Variants in MAML2 observed in about 807,000 individuals in gnomAD.
MAML2 encodes mastermind like transcriptional coactivator 2, also known as mastermind-like protein 2.
MAML2 carries 22 observed loss-of-function variants against 96.1 expected under a neutral mutation model. The observed-to-expected ratio is 0.23, with a 90% CI of 0.16 to 0.33. The LOEUF is 0.33. Among genes scored for constraint, MAML2 ranks in the 10% least tolerant of loss-of-function variants. MAML2 has a pLI of 1.00. For missense variants in MAML2, 1,367 were observed against 1,392.4 expected (o/e 0.98, Z 0.29); for synonymous variants, 561 against 521.3 (o/e 1.08, Z -1.04).
chr11:96,298,600 G>A (rs1863334105), intron 1 of MAML2, among the ~76,000 whole-genome samples: 1 of 151,980 alleles, frequency 6.6e-6, no homozygotes, highest in African/African-American at 2.4e-5. Flanking sequence ...AAGAGGTAAT[G>A]AGTTCTGCTC....
In MAML2 at chr11:96,092,298, T is replaced by C; in HGVS notation, c.1733A>G (p.Gln578Arg). The change falls in exon 2 of 5, where the codon CAG becomes CGG. Residue 578 changes from glutamine to arginine, a missense_variant. Coordinates refer to ENST00000524717, the MANE Select transcript of MAML2 (RefSeq NM_032427.4). The surrounding 1 kb of genome is among the most constrained non-coding windows in gnomAD (Gnocchi z 4.1). Reference protein sequence around the residue: ...NQQMPSVLPSQNKPSLLHYTQ... With the variant: ...NQQMPSVLPSRNKPSLLHYTQ... ...GTAGTGTAGGAGAGAAGGCTTGTTC[T>C]GGGAAGGCAAAACAGAAGGCATCTG... 6.4e-7 allele frequency: 1 copy of C among 1,573,026 alleles called. No individual in the cohort carries two copies. The highest frequency in any genetic ancestry group is 8.6e-7 in the Non-Finnish European group (1 of 1,158,582).
intron 2 of MAML2, among the ~76,000 whole-genome samples, chr11:96,042,744 CT>C (rs767509829): frequency 0.017 from 1,994 of 116,172 alleles, 44 homozygotes; most frequent in African/African-American, 0.061. Context: ...CGTTAACGTT[CT>C]TTTTTTTTTT....
intron 1 of MAML2, among the ~76,000 whole-genome samples, chr11:96,298,404 A>G (rs568674922): frequency 1.1e-4 from 16 of 152,312 alleles, no homozygotes; most frequent in Admixed American, 3.9e-4. Context: ...AAATGAGCTA[A>G]GTTGAAGGTT....
intron 2 of MAML2, among the ~76,000 whole-genome samples, chr11:96,018,638 C>T (rs1050273548): frequency 6.6e-6 from 1 of 152,192 alleles, no homozygotes; most frequent in Non-Finnish European, 1.5e-5. Flanking sequence ...GCTCCGTCGC[C>T]CAGGCTGGAG....
chr11:96,202,051 C>T (rs145900031), intron 1 of MAML2, among the ~76,000 whole-genome samples: 71 of 146,770 alleles, frequency 4.8e-4, no homozygotes, highest in East Asian at 2.1e-3. Flanking sequence ...GATTATGTTT[C>T]GGCCGGGCAT....
At chr11:96,200,326 G>A (rs2135929550) in intron 1 of MAML2, among the ~76,000 whole-genome samples, 2 of 152,316 alleles carry the variant, frequency 1.3e-5, no homozygotes, top group South Asian at 4.1e-4. Context: ...CTGCAAAACA[G>A]ATATCATCTG....
intron 1 of MAML2, among the ~76,000 whole-genome samples, chr11:96,133,338 T>C (rs1000444795): frequency 1.3e-5 from 2 of 152,228 alleles, no homozygotes; most frequent in African/African-American, 4.8e-5. Flanking sequence ...AAGTAAAATA[T>C]ATTACATTTT....
intron 1 of MAML2, among the ~76,000 whole-genome samples, chr11:96,258,736 G>C (rs977873735): frequency 6.6e-6 from 1 of 152,216 alleles, no homozygotes; most frequent in South Asian, 2.1e-4. Flanking sequence ...TGAGCAGAGA[G>C]GCCCATCTGC....
At chr11:96,316,222 G>C (rs1048101122) in intron 1 of MAML2, among the ~76,000 whole-genome samples, 7 of 152,150 alleles carry the variant, frequency 4.6e-5, no homozygotes, top group Non-Finnish European at 2.9e-5. Flanking sequence ...GTACTTGCTT[G>C]CCCATTCAAG....
intron 1 of MAML2, among the ~76,000 whole-genome samples, chr11:96,291,261 G>T (rs1863205854): frequency 1.3e-5 from 2 of 151,560 alleles, no homozygotes; most frequent in African/African-American, 4.9e-5. Flanking sequence ...GAGTAGCTGG[G>T]ACTACAGGCA....
intron 2 of MAML2, among the ~76,000 whole-genome samples, chr11:96,058,171 G>A (rs1859098652): frequency 6.6e-6 from 1 of 152,232 alleles, no homozygotes; most frequent in Non-Finnish European, 1.5e-5. Context: ...TTAGAATAAT[G>A]TAGAGAGGGC....
rs997197523 is a variant in MAML2, at chr11:96,173,128, C to T, written c.514-79611G>A. On this transcript the variant is annotated intron_variant, in intron 1 of 4. Coordinates refer to ENST00000524717, the MANE Select transcript of MAML2 (RefSeq NM_032427.4). ...CTCCTCTTTCCCTTTTACAGAGGGG[C>T]TCTGGGACCCAGGGGCTGTCGGGGA... Among the ~76,000 whole-genome samples the T allele has an allele frequency of 7.2e-5, 11 of 152,306 alleles. No homozygotes were observed. The East Asian group carries it at 1.9e-3, about 27-fold the overall frequency.
chr11:96,085,685 G>A (rs1859598052), intron 2 of MAML2, among the ~76,000 whole-genome samples: 1 of 152,134 alleles, frequency 6.6e-6, no homozygotes, highest in Non-Finnish European at 1.5e-5. Context: ...ACCCACTAAT[G>A]CTTTAAATGC....
chr11:96,105,518 A>G (rs961678356), intron 1 of MAML2, among the ~76,000 whole-genome samples: 5 of 152,212 alleles, frequency 3.3e-5, no homozygotes, highest in Non-Finnish European at 5.9e-5. Flanking sequence ...CTTTAACTCC[A>G]TTACAAAGGA....
intron 1 of MAML2, among the ~76,000 whole-genome samples, chr11:96,235,963 T>C (rs1331440820): frequency 6.6e-6 from 1 of 152,210 alleles, no homozygotes; most frequent in Non-Finnish European, 1.5e-5. Context: ...AAGAAATGCA[T>C]TGCATCACTT....
chr11:96,273,190 C>T (rs541727361), intron 1 of MAML2, among the ~76,000 whole-genome samples: 2 of 152,314 alleles, frequency 1.3e-5, no homozygotes, highest in South Asian at 4.1e-4. Flanking sequence ...CTGCTTCTGA[C>T]AGCAATTGAA....
At chr11:96,227,714 A>T (rs1022129449) in intron 1 of MAML2, among the ~76,000 whole-genome samples, 3 of 152,260 alleles carry the variant, frequency 2.0e-5, no homozygotes, top group Non-Finnish European at 2.9e-5. Context: ...GAGAAAAGGC[A>T]TACAATGTGT....
chr11:96,223,235 A>T (rs1862165339), intron 1 of MAML2, among the ~76,000 whole-genome samples: 1 of 152,194 alleles, frequency 6.6e-6, no homozygotes, highest in Non-Finnish European at 1.5e-5. Context: ...TATATTAATT[A>T]TGTATGACCT....
intron 2 of MAML2, among the ~76,000 whole-genome samples, chr11:96,020,134 A>C (rs1379026496): frequency 1.3e-5 from 2 of 152,192 alleles, no homozygotes; most frequent in Non-Finnish European, 2.9e-5. Context: ...GAAAAGGAAG[A>C]GTAATTGGGA....
Sources: gnomAD v4.1 joint callset for allele counts (sites outside exome capture counted in the v4.1 genomes callset) on GRCh38, gnomAD v4.1.1 for gene constraint, Gnocchi (gnomAD v3.1) non-coding constraint, MANE v1.5 for transcripts, NCBI Gene and HGNC (gene_info 2026-07-23, HGNC 2026-07-21) for gene names.